Variants in LCMT1 observed in about 807,000 individuals in gnomAD.
LCMT1 encodes [Phosphatase 2A protein]-leucine-carboxy methyltransferase 1.
Under a neutral mutation model 47.7 loss-of-function variants are expected in LCMT1, and 32 were observed. The ratio of observed to expected loss-of-function variants is 0.67; its 90% CI spans 0.51 to 0.90. The LOEUF (loss-of-function observed/expected upper bound fraction) is 0.90. Ranked by LOEUF, LCMT1 falls within the 40% of genes least tolerant of loss-of-function variation. LCMT1 has a pLI of 0.00. For missense variants in LCMT1, 375 were observed against 415.2 expected, an observed-to-expected ratio of 0.90 and a Z score of 0.84; for synonymous variants, 152 against 149.7, an observed-to-expected ratio of 1.02 and a Z score of -0.11.
intron 4 of LCMT1, among the ~76,000 whole-genome samples, chr16:25,150,906 T>C (rs1231918968): frequency 6.6e-6 from 1 of 152,216 alleles, no homozygotes; most frequent in Non-Finnish European, 1.5e-5. Flanking sequence ...ATGGCAATTC[T>C]GATGCTCTGG....
At chr16:25,126,639 T>C (rs540605354) in intron 1 of LCMT1, among the ~76,000 whole-genome samples, 1 of 152,312 alleles carries the variant, frequency 6.6e-6, no homozygotes, top group South Asian at 2.1e-4. Flanking sequence ...GCTACACTAG[T>C]CGTATTGAAC....
intron 9 of LCMT1, among the ~76,000 whole-genome samples, chr16:25,171,191 G>T (rs1187435266): frequency 2.6e-5 from 4 of 152,070 alleles, no homozygotes; most frequent in Admixed American, 2.6e-4. Flanking sequence ...AGTGAGCTGA[G>T]ATCGTGCCGC....
At chr16:25,160,790 T>C (rs780864993) in intron 5 of LCMT1, 4 of 557,214 alleles carry the variant, frequency 7.2e-6, no homozygotes, top group Admixed American at 5.7e-5. Context: ...AACCACATAT[T>C]GGGTGGTCCC....
chr16:25,111,750 G>T lies in LCMT1; in HGVS notation c.-134G>T. ...TAGCCGGCGTGGGCGGCGTCACTGA[G>T]CCGCGCCAGCTGAGCCAGGTAGGGC... is the stretch of plus-strand genomic sequence containing the variant. On this transcript the variant is annotated 5_prime_UTR_variant, in exon 1 of 11. Coordinates refer to ENST00000399069, the MANE Select transcript of LCMT1 (RefSeq NM_016309.3). The T allele has an allele frequency of 1.6e-6, 1 of 632,264 alleles. No individual in the cohort carries two copies. Among genetic ancestry groups the T allele is most frequent in the Admixed American group, 2.7e-5 (1 of 36,586 alleles). The allele number at this position is 632,264 out of a possible 1,614,324, so 39.2% of individuals were successfully genotyped here. A position where few individuals can be genotyped will look rare whatever the true frequency, so the allele number is the denominator to read the frequency against.
chr16:25,166,787 C>T lies in LCMT1; in HGVS notation c.690+2069C>T, dbSNP rs561914458. On this transcript the variant is annotated intron_variant, in intron 7 of 10. Coordinates refer to ENST00000399069, the MANE Select transcript of LCMT1 (RefSeq NM_016309.3). ...CCCAGGTTCCTGTGTAGATGGTTCT[C>T]GATTGGTTGATTTTGCATCCTTCCC... 4.6e-5 allele frequency among the ~76,000 whole-genome samples: 7 copies of T among 151,684 alleles called. No homozygotes were observed. In the South Asian group the frequency reaches 8.4e-4, roughly 18 times the overall value.
intron 3 of LCMT1, among the ~76,000 whole-genome samples, chr16:25,135,599 A>G (rs1385502656): frequency 6.6e-6 from 1 of 152,090 alleles, no homozygotes; most frequent in Non-Finnish European, 1.5e-5. Context: ...TAGCGAAAAC[A>G]TTGTCTGTGG....
intron 1 of LCMT1, among the ~76,000 whole-genome samples, chr16:25,123,687 A>G (rs1960072058): frequency 7.0e-6 from 1 of 141,860 alleles, no homozygotes; most frequent in Non-Finnish European, 1.5e-5. Context: ...GGCTCACCAC[A>G]ACCTCTGCCT....
At chr16:25,169,082 G>A (rs1961671793) in intron 7 of LCMT1, 30 bp from the exon 8 acceptor site, 1 of 1,456,696 alleles carries the variant, frequency 6.9e-7, no homozygotes, top group Non-Finnish European at 9.6e-7. Flanking sequence ...AACCCTTAGA[G>A]TAATATCTTA....
intron 1 of LCMT1, among the ~76,000 whole-genome samples, chr16:25,119,822 C>T (rs1415475851): frequency 6.6e-6 from 1 of 151,950 alleles, no homozygotes; most frequent in Admixed American, 6.6e-5. Flanking sequence ...GAAGACATGC[C>T]ACTTCAGAGC....
intron 4 of LCMT1, chr16:25,145,036 G>A (rs773088796): frequency 5.9e-5 from 9 of 152,152 alleles, no homozygotes; most frequent in African/African-American, 1.7e-4. Flanking sequence ...GGGTTTAGCC[G>A]TCAGGCCATA....
chr16:25,175,350 G>A (rs570000014), intron 10 of LCMT1, among the ~76,000 whole-genome samples: 2 of 152,108 alleles, frequency 1.3e-5, no homozygotes, highest in Admixed American at 6.6e-5. Flanking sequence ...TAGGCTGGGC[G>A]CGGGGTCTCA....
At chr16:25,140,925 A>G (rs118103370) in intron 4 of LCMT1, 4 of 151,984 alleles carry the variant, frequency 2.6e-5, no homozygotes, top group Non-Finnish European at 4.4e-5. Context: ...TTCTATCTCT[A>G]TTTCCCCCTG....
chr16:25,120,088 A>G (rs1228390417), intron 1 of LCMT1, among the ~76,000 whole-genome samples: 1 of 151,532 alleles, frequency 6.6e-6, no homozygotes, highest in Non-Finnish European at 1.5e-5. Context: ...TGAACCCAGG[A>G]GGTGGAGGTT....
intron 5 of LCMT1, among the ~76,000 whole-genome samples, chr16:25,156,619 G>A (rs1293368778): frequency 2.0e-5 from 3 of 152,198 alleles, no homozygotes; most frequent in African/African-American, 4.8e-5. Flanking sequence ...GCTGGGGCTC[G>A]GGTGGCAGGA....
chr16:25,165,971 T>A (rs564195971), intron 7 of LCMT1, among the ~76,000 whole-genome samples: 45 of 152,258 alleles, frequency 3.0e-4, no homozygotes, highest in African/African-American at 1.1e-3. Context: ...GAGCCCCAGT[T>A]CTTTGTTTTG....
chr16:25,120,300 T>C (rs1959931838), intron 1 of LCMT1, among the ~76,000 whole-genome samples: 1 of 150,820 alleles, frequency 6.6e-6, no homozygotes, highest in African/African-American at 2.4e-5. Context: ...CTCGGGTCAC[T>C]GCAACCTCCG....
In LCMT1 at chr16:25,174,957, T is replaced by C. The variant is rs768121999; in HGVS notation, c.905T>C (p.Leu302Pro). The C allele has an allele frequency of 5.6e-6, 9 of 1,602,778 alleles. No individual in the cohort carries two copies. The highest frequency in any genetic ancestry group is 4.3e-6 in the Non-Finnish European group (5 of 1,171,626). Residue 302 changes from leucine to proline, a missense_variant, in exon 10 of 11, where the codon CTG (leucine) becomes CCG (proline). Coordinates refer to ENST00000399069, the MANE Select transcript of LCMT1 (RefSeq NM_016309.3). ...EVSRIESLEF[L>P]DEMELLEQLM... ...CACAGGATAGAATCACTTGAATTCC[T>C]GGATGAAATGGAGCTGCTGGAGCAG...
intron 7 of LCMT1, 71 bp downstream of exon 7, chr16:25,164,789 T>C: frequency 6.3e-7 from 1 of 1,594,250 alleles, no homozygotes; most frequent in Non-Finnish European, 8.6e-7. Context: ...CCAGCACCCT[T>C]AGGATAACTT....
chr16:25,139,203 G>A (rs1257779861), intron 3 of LCMT1, among the ~76,000 whole-genome samples: 1 of 152,140 alleles, frequency 6.6e-6, no homozygotes, highest in African/African-American at 2.4e-5. Context: ...AGCCACGGGT[G>A]CCCGGCTTCT....
Sources: allele counts gnomAD v4.1 joint callset (sites outside exome capture counted in the v4.1 genomes callset), GRCh38; gene constraint gnomAD v4.1.1; transcripts MANE v1.5; gene names NCBI Gene and HGNC (gene_info 2026-07-23, HGNC 2026-07-21).